ADORA2B: variants seen among roughly 807,000 people sequenced by gnomAD.
The protein encoded by ADORA2B is adenosine A2b receptor.
Under a neutral mutation model 20.8 loss-of-function variants are expected in ADORA2B, and 18 were observed. The ratio of observed to expected loss-of-function variants is 0.87; its 90% CI spans 0.60 to 1.29. ADORA2B has a LOEUF of 1.29. Ranked by LOEUF, ADORA2B falls within the 50% of genes most tolerant of loss-of-function variation. ADORA2B has a pLI of 0.00. For missense variants in ADORA2B, 441 were observed against 422.7 expected, an observed-to-expected ratio of 1.04 and a Z score of -0.38; for synonymous variants, 179 against 178.3, an observed-to-expected ratio of 1.00 and a Z score of -0.03.
chr17:15,970,155 T>C (rs2151609566), intron 1 of ADORA2B, among the ~76,000 whole-genome samples: 1 of 152,362 alleles, frequency 6.6e-6, no homozygotes, highest in South Asian at 2.1e-4. Flanking sequence ...GTGTTTCCCA[T>C]TAGCTTATGT....
chr17:15,867,533 G>T, the ADORA2B span, among the ~76,000 whole-genome samples: 6 of 148,284 alleles, frequency 4.0e-5, no homozygotes, highest in Non-Finnish European at 8.9e-5. Context: ...GGGAAGTGAG[G>T]AGCGTCTCCG....
the ADORA2B span, among the ~76,000 whole-genome samples, chr17:15,887,405 A>G: frequency 7.6e-6 from 1 of 131,376 alleles, no homozygotes; most frequent in East Asian, 2.0e-4. Context: ...ACTTAACAAA[A>G]TAATTAAAAA....
At chr17:15,918,789 C>T in the ADORA2B span, among the ~76,000 whole-genome samples, 49 of 152,174 alleles carry the variant, frequency 3.2e-4, no homozygotes, top group Middle Eastern at 3.4e-3. Flanking sequence ...AATTTCTTAG[C>T]GTAAGTACAC....
At chr17:15,882,525 G>A in the ADORA2B span, among the ~76,000 whole-genome samples, 2 of 152,150 alleles carry the variant, frequency 1.3e-5, no homozygotes, top group Non-Finnish European at 2.9e-5. Flanking sequence ...GCTGCAGTGA[G>A]TCATGATCAT....
chr17:15,970,018 T>C (rs1297060923), intron 1 of ADORA2B, among the ~76,000 whole-genome samples: 2 of 152,268 alleles, frequency 1.3e-5, no homozygotes, highest in Non-Finnish European at 2.9e-5. Flanking sequence ...AGCTTCTGCC[T>C]GAAAGGCCTC....
chr17:15,902,256 G>C, the ADORA2B span, among the ~76,000 whole-genome samples: 1 of 151,510 alleles, frequency 6.6e-6, no homozygotes, highest in Non-Finnish European at 1.5e-5. Context: ...TGTCATTCCA[G>C]GCTGGAGTGC....
chr17:15,968,465 G>C (rs1470024778), intron 1 of ADORA2B, among the ~76,000 whole-genome samples: 10 of 152,124 alleles, frequency 6.6e-5, no homozygotes, highest in Non-Finnish European at 5.9e-5. Context: ...TGAGGGGTCT[G>C]GTTATGTCCT....
intron 1 of ADORA2B, among the ~76,000 whole-genome samples, chr17:15,957,906 A>C (rs536139816): frequency 6.6e-6 from 1 of 151,984 alleles, no homozygotes; most frequent in East Asian, 1.9e-4. Flanking sequence ...TGCTGATTTT[A>C]GCACCACTGC....
At position 15,974,994 on chromosome 17, in the gene ADORA2B, G is replaced by C; in HGVS notation, c.651G>C (p.Glu217Asp). The C allele has an allele frequency of 6.2e-7, 1 of 1,614,204 alleles. No homozygotes were observed. The highest frequency in any genetic ancestry group is 8.5e-7 in the Non-Finnish European group (1 of 1,180,040). ...LVACRQLQRT[E>D]LMDHSRTTLQ... ...CCTGCAGGCAGCTTCAGCGCACTGA[G>C]CTGATGGACCACTCGAGGACCACCC... Residue 217 changes from glutamate (E) to aspartate (D), a missense_variant, in exon 2 of 2, where the codon GAG becomes GAC. Coordinates refer to ENST00000304222, the MANE Select transcript of ADORA2B (RefSeq NM_000676.4).
At chr17:15,878,163 T>TTGTG in the ADORA2B span, among the ~76,000 whole-genome samples, 341 of 119,700 alleles carry the variant, frequency 2.8e-3, no homozygotes, top group South Asian at 5.4e-3. Flanking sequence ...CAGATATCCT[T>TTGTG]TGTGTGTGTG....
chr17:15,869,884 C>T, the ADORA2B span, among the ~76,000 whole-genome samples: 1 of 152,188 alleles, frequency 6.6e-6, no homozygotes, highest in South Asian at 2.1e-4. Flanking sequence ...AGAATTTTCT[C>T]ATTTTGACAT....
the ADORA2B span, among the ~76,000 whole-genome samples, chr17:15,876,449 C>CTTTTTTTTTTTTT: frequency 1.8e-4 from 22 of 119,292 alleles, no homozygotes; most frequent in Non-Finnish European, 3.1e-4. Context: ...TTTCTTTTTT[C>CTTTTTTTTTTTTT]TTTTTTTTTT....
chr17:15,875,702 C>G, the ADORA2B span, among the ~76,000 whole-genome samples: 1 of 152,208 alleles, frequency 6.6e-6, no homozygotes, highest in Non-Finnish European at 1.5e-5. Context: ...CCTGCCTCAG[C>G]CTCCCAAGTA....
the ADORA2B span, among the ~76,000 whole-genome samples, chr17:15,939,859 C>CAAAAA: frequency 1.7e-4 from 9 of 53,324 alleles, no homozygotes; most frequent in East Asian, 1.8e-3. Flanking sequence ...GACTCTGTCT[C>CAAAAA]AAAAAAAAAA....
chr17:15,974,960 TC>T lies in ADORA2B; in HGVS notation c.619del (p.Leu207TrpfsTer12). The T allele has an allele frequency of 6.2e-7, 1 of 1,614,174 alleles. No individual in the cohort carries two copies. The highest frequency in any genetic ancestry group is 1.1e-5 in the South Asian group (1 of 91,072). On this transcript the variant is annotated frameshift_variant, in exon 2 of 2. Transcript: ENST00000304222. LOFTEE classifies it high-confidence loss of function. ...ATGCTGGTGATCTACATTAAGATCT[TC>T]CTGGTGGCCTGCAGGCAGCTTCAGC... Reference protein sequence around the residue: ...LIMLVIYIKIFLVACRQLQRT... With the variant: ...LIMLVIYIKIXLVACRQLQRT...
chr17:15,953,611 T>C (rs1969932956), intron 1 of ADORA2B, among the ~76,000 whole-genome samples: 1 of 152,210 alleles, frequency 6.6e-6, no homozygotes, highest in African/African-American at 2.4e-5. Context: ...TTTGATTTTT[T>C]TCCTGTGGAC....
chr17:15,929,358 G>A, the ADORA2B span, among the ~76,000 whole-genome samples: 1 of 152,218 alleles, frequency 6.6e-6, no homozygotes, highest in African/African-American at 2.4e-5. Context: ...TGAATGGAAT[G>A]ACCAGGTGAG....
At chr17:15,863,721 A>G in the ADORA2B span, among the ~76,000 whole-genome samples, 1 of 152,200 alleles carries the variant, frequency 6.6e-6, no homozygotes, top group Non-Finnish European at 1.5e-5. Context: ...GCTTTTGTAT[A>G]GATACCCTTA....
At chr17:15,925,875 G>A in the ADORA2B span, among the ~76,000 whole-genome samples, 1 of 152,038 alleles carries the variant, frequency 6.6e-6, no homozygotes, top group South Asian at 2.1e-4. Context: ...GGAGGTGGAG[G>A]CAGAGAATTG....
Sources: gnomAD v4.1 joint callset for allele counts (sites outside exome capture counted in the v4.1 genomes callset) on GRCh38, gnomAD v4.1.1 for gene constraint, MANE v1.5 for transcripts, NCBI Gene and HGNC (gene_info 2026-07-23, HGNC 2026-07-21) for gene names.